The following SETD2 variants were observed in gnomAD, a reference collection of about 807,000 sequenced individuals.
The protein encoded by SETD2 is SET domain containing 2, histone lysine methyltransferase.
SETD2 carries 31 observed loss-of-function variants against 242.1 expected under a neutral mutation model. The ratio of observed to expected loss-of-function variants is 0.13; its 90% confidence interval spans 0.10 to 0.17. SETD2 has a LOEUF of 0.17. Ranked by LOEUF, SETD2 falls within the 10% of genes least tolerant of loss-of-function variation. The pLI, the probability that SETD2 is intolerant of heterozygous loss-of-function variation, is 1.00. For synonymous variants in SETD2, 1,006 were observed against 1,066.5 expected, an observed-to-expected ratio of 0.94 and a Z score of 1.11; for missense variants, 2,481 against 3,046.3, an observed-to-expected ratio of 0.81 and a Z score of 4.37.
In SETD2 at chr3:47,106,134, G is replaced by C. The variant is rs756282675; in HGVS notation, c.4716-14C>G. The C allele has an allele frequency of 2.5e-6, 4 of 1,604,776 alleles. No homozygotes were observed. ...ACAAAGGTGTTCCTGCAAACCAAAA[G>C]GAAAAAAATAGCACTTCCTACCTAG... On this transcript the variant is annotated splice_polypyrimidine_tract_variant and intron_variant, in intron 5 of 20. Transcript: ENST00000409792.
intron 18 of SETD2, among the ~76,000 whole-genome samples, chr3:47,027,500 G>A (rs1028351786): frequency 7.2e-5 from 11 of 151,810 alleles, no homozygotes; most frequent in African/African-American, 1.2e-4. Context: ...AACATGGCAC[G>A]TGTATACATA....
chr3:47,045,196 G>A (rs2107545856), intron 16 of SETD2, among the ~76,000 whole-genome samples: 1 of 152,122 alleles, frequency 6.6e-6, no homozygotes, highest in East Asian at 1.9e-4. Context: ...GACCAGCCTG[G>A]CCAACATGGT....
chr3:47,161,772 G>C (rs890964321), intron 1 of SETD2, among the ~76,000 whole-genome samples: 4 of 151,662 alleles, frequency 2.6e-5, no homozygotes, highest in Non-Finnish European at 4.4e-5. Context: ...TAATTAGCTG[G>C]GTGTGGTGAC....
intron 9 of SETD2, among the ~76,000 whole-genome samples, chr3:47,091,620 G>A (rs774653142): frequency 8.5e-5 from 13 of 152,174 alleles, no homozygotes; most frequent in African/African-American, 2.4e-4. Flanking sequence ...AAAATTAGCC[G>A]GGCATGATGG....
intron 9 of SETD2, among the ~76,000 whole-genome samples, chr3:47,097,109 G>A (rs1463738854): frequency 1.3e-5 from 2 of 152,072 alleles, no homozygotes; most frequent in Admixed American, 1.3e-4. Context: ...TAGTTCTTAT[G>A]AGTATTAAGT....
intron 19 of SETD2, among the ~76,000 whole-genome samples, chr3:47,018,878 A>G (rs1205319035): frequency 6.6e-6 from 1 of 152,186 alleles, no homozygotes; most frequent in African/African-American, 2.4e-5. Flanking sequence ...GCCTCTGTAC[A>G]TTCTATTGAT....
At chr3:47,044,555 G>GT (rs1559658543) in intron 16 of SETD2, among the ~76,000 whole-genome samples, 1 of 151,946 alleles carries the variant, frequency 6.6e-6, no homozygotes, top group African/African-American at 2.4e-5. Flanking sequence ...CTCCAGAACT[G>GT]TAGGTGTTCT....
chr3:47,077,748 G>T (rs1016322771), intron 12 of SETD2, among the ~76,000 whole-genome samples: 1 of 152,150 alleles, frequency 6.6e-6, no homozygotes, highest in African/African-American at 2.4e-5. Context: ...GACCAATTCC[G>T]GGGCTGGGGA....
chr3:47,153,895 G>A (rs1412627616), intron 1 of SETD2, among the ~76,000 whole-genome samples: 3 of 152,078 alleles, frequency 2.0e-5, no homozygotes, highest in African/African-American at 4.8e-5. Flanking sequence ...AATAAGTACA[G>A]ATTTTTTAAA....
At chr3:47,048,552 A>G (rs1285454746) in intron 15 of SETD2, among the ~76,000 whole-genome samples, 1 of 151,406 alleles carries the variant, frequency 6.6e-6, no homozygotes, top group African/African-American at 2.5e-5. Context: ...GGCTACACTA[A>G]GTTTATTAAC....
chr3:47,104,219 T>C (rs1246109950), intron 6 of SETD2, among the ~76,000 whole-genome samples: 1 of 150,946 alleles, frequency 6.6e-6, no homozygotes, highest in Non-Finnish European at 1.5e-5. Context: ...GCAACTCTTT[T>C]CACTAAAAAA....
intron 13 of SETD2, 112 bp from the exon 14 acceptor site, chr3:47,062,458 G>A (rs576373244): frequency 1.5e-5 from 15 of 967,944 alleles, no homozygotes; most frequent in African/African-American, 1.2e-4. Context: ...TCCAACAAAT[G>A]TATCTATGGA....
intron 17 of SETD2, chr3:47,041,391 T>G (rs1339835674): frequency 6.7e-6 from 3 of 448,304 alleles, no homozygotes; most frequent in African/African-American, 6.0e-5. Context: ...CTCACGCCTG[T>G]CATCCCAGCA....
intron 1 of SETD2, chr3:47,163,616 A>C (rs919396276): frequency 1.4e-5 from 3 of 216,352 alleles, no homozygotes; most frequent in African/African-American, 7.0e-5. Flanking sequence ...GGCCCGGCCC[A>C]ACCGCCGCCG....
At chr3:47,046,859 C>CT (rs879652450) in intron 15 of SETD2, 2,294 of 223,338 alleles carry the variant, frequency 0.01, 1 homozygote, top group South Asian at 0.017. Flanking sequence ...AAAATAAAAG[C>CT]TTTTTTTTTT....
chr3:47,127,317 C>T (rs1016219258), intron 1 of SETD2, among the ~76,000 whole-genome samples: 2 of 150,128 alleles, frequency 1.3e-5, no homozygotes, highest in Non-Finnish European at 3.0e-5. Flanking sequence ...ATGATCACAC[C>T]ACTGCACTCC....
intron 1 of SETD2, among the ~76,000 whole-genome samples, chr3:47,140,101 A>C (rs769848557): frequency 3.9e-5 from 6 of 152,196 alleles, no homozygotes; most frequent in Non-Finnish European, 8.8e-5. Flanking sequence ...TTTCTTTAAA[A>C]AAGTCACTTC....
intron 1 of SETD2, among the ~76,000 whole-genome samples, chr3:47,148,169 C>T (rs2106815543): frequency 6.6e-6 from 1 of 152,014 alleles, no homozygotes; most frequent in South Asian, 2.1e-4. Context: ...CTCGTTCTGT[C>T]ACCCAGGCTG....
chr3:47,086,385 G>A (rs2041559134), intron 10 of SETD2, 71 bp from the exon 11 acceptor site: 1 of 1,515,344 alleles, frequency 6.6e-7, no homozygotes, highest in Non-Finnish European at 9.1e-7. Flanking sequence ...AAGAGCCCGA[G>A]GAGAGTTCAT....
Sources: gnomAD v4.1 joint callset for allele counts (sites outside exome capture counted in the v4.1 genomes callset) on GRCh38, gnomAD v4.1.1 for gene constraint, MANE v1.5 for transcripts, NCBI Gene and HGNC (gene_info 2026-07-23, HGNC 2026-07-21) for gene names.